The following ITGAE variants were observed in gnomAD, a reference collection of about 807,000 sequenced individuals.
The protein encoded by ITGAE is integrin alpha-E.
A neutral mutation model predicts 136.5 loss-of-function variants in ITGAE; 99 were observed. That is an observed-to-expected ratio of 0.73 (90% CI 0.62 to 0.86). ITGAE has a LOEUF of 0.86. ITGAE is among the 40% of genes least tolerant of loss of function. ITGAE has a pLI of 0.00. For synonymous variants in ITGAE, 613 were observed against 591.8 expected (o/e 1.04, Z -0.52); for missense variants, 1,447 against 1,515.3 (o/e 0.95, Z 0.75).
intron 28 of ITGAE, among the ~76,000 whole-genome samples, chr17:3,720,862 C>T (rs144358205): frequency 3.9e-5 from 6 of 152,120 alleles, no homozygotes; most frequent in Non-Finnish European, 8.8e-5. Flanking sequence ...GGATTACAGG[C>T]GTGAGCTGCC....
chr17:3,729,785 G>T (rs1250425915), intron 23 of ITGAE: 2 of 419,318 alleles, frequency 4.8e-6, no homozygotes, highest in Non-Finnish European at 9.1e-6. Flanking sequence ...AGTAGAGATG[G>T]GGTTTCACCA....
intron 23 of ITGAE, among the ~76,000 whole-genome samples, chr17:3,729,967 T>A (rs977401163): frequency 6.6e-6 from 1 of 152,164 alleles, no homozygotes; most frequent in Non-Finnish European, 1.5e-5. Flanking sequence ...CCATGGTGCT[T>A]TGCTGCAGCT....
chr17:3,715,472 G>A (rs2050924441), intron 30 of ITGAE, among the ~76,000 whole-genome samples: 1 of 152,218 alleles, frequency 6.6e-6, no homozygotes, highest in Non-Finnish European at 1.5e-5. Context: ...AGTGAGTGAA[G>A]TGAGCAGTCA....
At chr17:3,724,379 G>A in intron 26 of ITGAE, 1 of 1,608,422 alleles carries the variant, frequency 6.2e-7, no homozygotes, top group Non-Finnish European at 8.5e-7. Flanking sequence ...GCCTCAGCCC[G>A]GACCTCAGCG....
At chr17:3,744,092 C>G (rs371888766) in intron 18 of ITGAE, among the ~76,000 whole-genome samples, 2 of 151,808 alleles carry the variant, frequency 1.3e-5, no homozygotes. Flanking sequence ...CTCACTGCAG[C>G]CTCAACCACC....
At chr17:3,719,246 AAAAAAAAAAAG>A (rs2051001249) in intron 29 of ITGAE, among the ~76,000 whole-genome samples, 2 of 145,666 alleles carry the variant, frequency 1.4e-5, no homozygotes, top group African/African-American at 5.1e-5. Context: ...AAAAAAAAAA[AAAAAAAAAAAG>A]AAAAGAAAAG....
chr17:3,757,471 C>T (rs1190607354), intron 9 of ITGAE, among the ~76,000 whole-genome samples: 1 of 152,194 alleles, frequency 6.6e-6, no homozygotes, highest in African/African-American at 2.4e-5. Flanking sequence ...CCTCCAGGAA[C>T]CCTCCTTGGT....
At chr17:3,797,155 ATATTTTT>A (rs1279549399) in intron 1 of ITGAE, among the ~76,000 whole-genome samples, 7 of 24,048 alleles carry the variant, frequency 2.9e-4, no homozygotes, top group African/African-American at 9.0e-4. Context: ...ATATATATAT[ATATTTTT>A]TTTTTTTTTT....
chr17:3,716,829 T>C (rs372884911), intron 29 of ITGAE, 31 bp from the exon 30 acceptor site: 16 of 1,277,078 alleles, frequency 1.3e-5, no homozygotes, highest in South Asian at 4.9e-5. Context: ...GCCCAATAAA[T>C]CAGGTGAAGC....
chr17:3,740,024 C>T (rs1461655222), intron 19 of ITGAE, 146 bp from the exon 20 acceptor site: 5 of 671,062 alleles, frequency 7.5e-6, no homozygotes, highest in Non-Finnish European at 1.3e-5. Flanking sequence ...GGGGTGCAGG[C>T]TGGGATTGTC....
intron 19 of ITGAE, among the ~76,000 whole-genome samples, chr17:3,743,247 A>G (rs934862787): frequency 7.9e-5 from 12 of 152,238 alleles, no homozygotes; most frequent in Admixed American, 5.9e-4. Flanking sequence ...TTGTGAACAT[A>G]AAGACATAAA....
rs887254270 is a variant in ITGAE at position 3,755,246 on chromosome 17, C to T, written c.1255G>A (p.Gly419Ser). 6 of 1,575,000 alleles carry T rather than the reference C, an allele frequency of 3.8e-6. No individual in the cohort carries two copies. In the African/African-American group the frequency reaches 4.0e-5, roughly 11 times the overall value. ...QILDERQVLL[G>S]AVGAFDWSGG... ...GACCAGTCAAAGGCCCCGACGGCGC[C>T]GAGCAGCACCTGCCGCTGAAGGGGA... Residue 419 changes from glycine (G) to serine (S), a missense_variant, in exon 12 of 31, where the codon GGC becomes AGC. Physicochemically the swap from Gly to Ser is moderately conservative, Grantham distance 56. Around this residue, in one of 3 missense-constraint regions of ITGAE, gnomAD observed 1,031 missense variants for 1,011.4 expected, o/e 1.02. Coordinates refer to ENST00000263087, the MANE Select transcript of ITGAE (RefSeq NM_002208.5).
chr17:3,771,949 C>A (rs1416159345), intron 2 of ITGAE, among the ~76,000 whole-genome samples: 1 of 152,176 alleles, frequency 6.6e-6, no homozygotes, highest in Non-Finnish European at 1.5e-5. Flanking sequence ...AACCTCACCA[C>A]CCCTCCCGGC....
intron 29 of ITGAE, 121 bp downstream of exon 29, chr17:3,720,186 G>A: frequency 1.7e-6 from 1 of 592,506 alleles, no homozygotes; most frequent in East Asian, 2.9e-5. Flanking sequence ...AGCGATGGCA[G>A]AGCCAAGATC....
At chr17:3,757,919 G>A in intron 8 of ITGAE, 60 bp from the exon 9 acceptor site, 1 of 1,577,924 alleles carries the variant, frequency 6.3e-7, no homozygotes, top group Non-Finnish European at 8.7e-7. Context: ...CGAGCTCCAG[G>A]AGAGACTTTA....
Position 3,761,052 on chromosome 17 carries a change from C to T in ITGAE, c.559G>A (p.Asp187Asn). 1.2e-6 allele frequency: 2 copies of T among 1,608,276 alleles called. No homozygotes were observed. The highest frequency in any genetic ancestry group is 8.5e-7 in the Non-Finnish European group (1 of 1,179,952). ...RRALEKEEEE[D>N]KEEEEDEEEE... ...TCCTCGTCTTCCTCCTCCTCCTTGT[C>T]TTCCTCCTCCTCCTTCTCCAGAGCC... The change falls in exon 6 of 31, where the codon GAC (aspartate) becomes AAC (asparagine). Residue 187 changes from aspartate (D) to asparagine (N), a missense_variant. By Grantham distance (23) the Asp-to-Asn change is conservative (BLOSUM62 1). This residue lies in a region of ITGAE where 310 missense variants were observed against 416.1 expected (regional missense o/e 0.74). Coordinates refer to ENST00000263087, the MANE Select transcript of ITGAE (RefSeq NM_002208.5).
intron 28 of ITGAE, 36 bp downstream of exon 28, chr17:3,723,243 TGAGCAACTG>T: frequency 7.9e-7 from 1 of 1,263,200 alleles, no homozygotes; most frequent in Non-Finnish European, 1.2e-6. Flanking sequence ...GCGATGCCCG[TGAGCAACTG>T]GATAATCAAA....
Position 3,753,337 on chromosome 17 carries a change from C to T in ITGAE, c.1621G>A (p.Val541Ile), listed in dbSNP as rs376435630. The change falls in exon 14 of 31, where the codon GTT becomes ATT. Residue 541 changes from valine (V) to isoleucine (I), a missense_variant. Transcript: ENST00000263087. The stretch of plus-strand genomic sequence containing the variant: ...TAGACTCTGCCTTCTTCTCCATGAA[C>T]GTGGTAAAATGGAGCAGCCACCAGC... ...FLLVAAPFYH[V>I]HGEEGRVYVY... 10 of 1,614,176 alleles carry T rather than the reference C, an allele frequency of 6.2e-6. No individual in the cohort carries two copies. The highest frequency in any genetic ancestry group is 3.3e-5 in the Admixed American group (2 of 60,016).
chr17:3,744,090 A>C (rs1347821495), intron 18 of ITGAE, among the ~76,000 whole-genome samples: 2 of 151,518 alleles, frequency 1.3e-5, no homozygotes, highest in African/African-American at 4.8e-5. Context: ...GGCTCACTGC[A>C]GCCTCAACCA....
Sources: allele counts gnomAD v4.1 joint callset (sites outside exome capture counted in the v4.1 genomes callset), GRCh38; gene constraint gnomAD v4.1.1; regional missense constraint gnomAD v4.1.1; transcripts MANE v1.5; gene names NCBI Gene and HGNC (gene_info 2026-07-23, HGNC 2026-07-21).